Variants in MGAT5B observed in about 807,000 individuals in gnomAD.
MGAT5B encodes the protein N-acetylglucosaminyl-transferase Vb.
In MGAT5B, 54 loss-of-function variants were observed where a neutral mutation model predicts 95.1. The observed-to-expected ratio is 0.57, with a 90% CI of 0.46 to 0.71. The LOEUF is 0.71. Among genes scored for constraint, MGAT5B ranks in the 30% least tolerant of loss-of-function variants. The pLI is 0.00. For missense variants in MGAT5B, 935 were observed against 1,088.6 expected (o/e 0.86, Z 1.99); for synonymous variants, 464 against 451.0 (o/e 1.03, Z -0.36).
chr17:76,906,270 T>G lies in MGAT5B; in HGVS notation c.1025+83T>G. On this transcript the variant is annotated intron_variant, in intron 8 of 17. Coordinates refer to ENST00000569840, the MANE Select transcript of MGAT5B (RefSeq NM_001199172.2). This position sits in a 1 kb window ranked among gnomAD's most constrained non-coding sequence, Gnocchi z 4.6. ...CCCCACCCCTCCCTCCCAGGGGCTGTGGGAGCACCTGCTCTGCCTGCAGGT... is the reference window on the plus strand; with the variant it reads ...CCCCACCCCTCCCTCCCAGGGGCTGGGGGAGCACCTGCTCTGCCTGCAGGT... The G allele has an allele frequency of 7.3e-7, 1 of 1,370,704 alleles. No homozygotes were observed. The highest frequency in any genetic ancestry group is 1.4e-5 in the South Asian group (1 of 73,258). 84.9% of individuals were successfully genotyped at this position (1,370,704 alleles called of 1,614,324 possible). A position where few individuals can be genotyped will look rare whatever the true frequency, so the allele number is the denominator to read the frequency against.
rs548834945 is a variant in MGAT5B, at chr17:76,894,435, C to T, written c.330-8120C>T. Among the ~76,000 whole-genome samples the T allele has an allele frequency of 3.9e-5, 6 of 152,336 alleles. No individual in the cohort carries two copies. In the East Asian group the frequency reaches 7.7e-4, roughly 20 times the overall value. ...ATAGAAAGAGCTTGGCAAGCGAGTG[C>T]TCAATGCCTGTTGGCTGTGTAACTG... On this transcript the variant is annotated intron_variant, in intron 3 of 17. Coordinates refer to ENST00000569840, the MANE Select transcript of MGAT5B (RefSeq NM_001199172.2).
intron 8 of MGAT5B, among the ~76,000 whole-genome samples, chr17:76,920,379 G>A (rs1434031652): frequency 2.0e-5 from 3 of 152,164 alleles, no homozygotes; most frequent in African/African-American, 4.8e-5. Context: ...ATGCACAGCC[G>A]AGCCTCCCGG....
At chr17:76,921,358 G>A (rs1345746465) in intron 8 of MGAT5B, among the ~76,000 whole-genome samples, 1 of 152,188 alleles carries the variant, frequency 6.6e-6, no homozygotes, top group Admixed American at 6.5e-5. Context: ...TCCCCCATCC[G>A]TTAATATTCC....
Position 76,940,037 on chromosome 17 carries a change from A to G in MGAT5B, c.1585-365A>G, listed in dbSNP as rs777579017. 8.5e-5 allele frequency among the ~76,000 whole-genome samples: 13 copies of G among 152,288 alleles called. No homozygotes were observed. The South Asian group carries it at 1.5e-3, about 17-fold the overall frequency. On this transcript the variant is annotated intron_variant, in intron 13 of 17. Transcript: ENST00000569840. This position sits in a 1 kb window ranked among gnomAD's most constrained non-coding sequence, Gnocchi z 4.3. Reference sequence around the variant, plus strand: ...AGTGAGGTTCCTGGAGGTCTCTTGCAGGTGCGGGCCTGCAGCTTTCTTGGC... The same window carrying G: ...AGTGAGGTTCCTGGAGGTCTCTTGCGGGTGCGGGCCTGCAGCTTTCTTGGC...
intron 3 of MGAT5B, among the ~76,000 whole-genome samples, chr17:76,898,680 G>T (rs1169978225): frequency 6.6e-6 from 1 of 152,144 alleles, no homozygotes; most frequent in Non-Finnish European, 1.5e-5. Context: ...CATAGCAGTA[G>T]CTTAGTATTT....
rs902784818 is a variant in MGAT5B, at chr17:76,915,371, C to G, written c.1025+9184C>G. On this transcript the variant is annotated intron_variant, in intron 8 of 17. Transcript: ENST00000569840. This position sits in a 1 kb window ranked among gnomAD's most constrained non-coding sequence, Gnocchi z 8.7. ...GGGGCCGGGGATCGGGCACTCCTCT[C>G]TGACGGTTTCTATTTTATCTTCGAT... 6.6e-6 allele frequency among the ~76,000 whole-genome samples: 1 copy of G among 152,122 alleles called. No homozygotes were observed. The highest frequency in any genetic ancestry group is 1.5e-5 in the Non-Finnish European group (1 of 68,030).
At chr17:76,903,226 T>C in intron 4 of MGAT5B, 77 bp from the exon 5 acceptor site, 1 of 1,121,304 alleles carries the variant, frequency 8.9e-7, no homozygotes, top group Non-Finnish European at 1.3e-6. Context: ...TGTGGGAAGC[T>C]GCCTCCCGCA....
intron 17 of MGAT5B, 105 bp downstream of exon 17, chr17:76,948,191 G>C (rs944816542): frequency 4.1e-6 from 6 of 1,457,786 alleles, no homozygotes; most frequent in Admixed American, 2.6e-5. Context: ...CTGCCAGTGT[G>C]GGGGGATGTA....
At chr17:76,872,515 G>C (rs750992482) in intron 1 of MGAT5B, 3 of 675,390 alleles carry the variant, frequency 4.4e-6, no homozygotes, top group Non-Finnish European at 7.2e-6. Context: ...AGGTGATGCT[G>C]ACTGCTCGTC....
In MGAT5B at chr17:76,930,373, G is replaced by A. The variant is rs1005565843; in HGVS notation, c.1292-2272G>A. Among the ~76,000 whole-genome samples, 2 of 152,288 alleles carry A rather than the reference G, an allele frequency of 1.3e-5. No homozygotes were observed. The highest frequency in any genetic ancestry group is 2.1e-4 in the South Asian group (1 of 4,818). On this transcript the variant is annotated intron_variant, in intron 10 of 17. Transcript: ENST00000569840. This position sits in a 1 kb window ranked among gnomAD's most constrained non-coding sequence, Gnocchi z 4.1. ...AAGCATGCATCCCAATTGGAGAAAC[G>A]TTAAAATGTGGGGGATGTGCATTCG... is the stretch of plus-strand genomic sequence containing the variant.
At chr17:76,877,910 AAC>A (rs1003650738) in intron 2 of MGAT5B, among the ~76,000 whole-genome samples, 3 of 151,820 alleles carry the variant, frequency 2.0e-5, no homozygotes, top group African/African-American at 7.3e-5. Flanking sequence ...GTGGGTAATA[AAC>A]ACATCCCGTC....
In MGAT5B at chr17:76,880,849, C is replaced by G. The variant is rs145718399; in HGVS notation, c.182-1302C>G. On this transcript the variant is annotated intron_variant, in intron 2 of 17. Coordinates refer to ENST00000569840, the MANE Select transcript of MGAT5B (RefSeq NM_001199172.2). ...ACAGCTTCCCCGTCTCTCTTCCTCA[C>G]TCTCCTGCTGGGGTTTCCATTAGCT... is the stretch of plus-strand genomic sequence containing the variant. 2.6e-4 allele frequency among the ~76,000 whole-genome samples: 40 copies of G among 152,322 alleles called. No individual in the cohort carries two copies. In the East Asian group the frequency reaches 4.3e-3, roughly 16 times the overall value.
chr17:76,917,535 T>C lies in MGAT5B; in HGVS notation c.1026-7431T>C, dbSNP rs1017976274. Among the ~76,000 whole-genome samples the C allele has an allele frequency of 2.0e-5, 3 of 152,146 alleles. No homozygotes were observed. Among genetic ancestry groups the C allele is most frequent in the Admixed American group, 6.5e-5 (1 of 15,278 alleles). The stretch of plus-strand genomic sequence containing the variant: ...GAGTAGCTTTGGTAAAAGGAATGCA[T>C]TTTCCTGCAAGCCAGACTGCTTTTT... On this transcript the variant is annotated intron_variant, in intron 8 of 17. Coordinates refer to ENST00000569840, the MANE Select transcript of MGAT5B (RefSeq NM_001199172.2). This position sits in a 1 kb window ranked among gnomAD's most constrained non-coding sequence, Gnocchi z 6.1.
chr17:76,920,952 C>G (rs754995627), intron 8 of MGAT5B, among the ~76,000 whole-genome samples: 4 of 152,188 alleles, frequency 2.6e-5, no homozygotes, highest in Non-Finnish European at 5.9e-5. Flanking sequence ...CAGGTCCTGT[C>G]CCTGGTCCTG....
intron 13 of MGAT5B, among the ~76,000 whole-genome samples, chr17:76,939,029 G>GGGGGGGTGT (rs1237086611): frequency 2.3e-4 from 30 of 128,254 alleles, no homozygotes; most frequent in African/African-American, 8.3e-4. Flanking sequence ...GCATCTTGGG[G>GGGGGGGTGT]GTGTGTGTGT....
chr17:76,903,247 C>T (rs904100903), intron 4 of MGAT5B, 56 bp from the exon 5 acceptor site: 36 of 1,419,098 alleles, frequency 2.5e-5, no homozygotes, highest in Non-Finnish European at 3.2e-5. Flanking sequence ...CGCAGGCCTC[C>T]CTCCCTGGGC....
At chr17:76,881,392 G>C (rs946591070) in intron 2 of MGAT5B, among the ~76,000 whole-genome samples, 3 of 152,204 alleles carry the variant, frequency 2.0e-5, no homozygotes, top group Non-Finnish European at 4.4e-5. Flanking sequence ...AGACCAGCTT[G>C]AGATTCAGAA....
At chr17:76,892,726 C>T (rs960420386) in intron 3 of MGAT5B, among the ~76,000 whole-genome samples, 3 of 152,240 alleles carry the variant, frequency 2.0e-5, no homozygotes, top group Non-Finnish European at 2.9e-5. Context: ...GCTGTGACAG[C>T]GCCTGCTCTC....
In MGAT5B at chr17:76,883,335, G is replaced by A. The variant is rs1967505010; in HGVS notation, c.329+1037G>A. Among the ~76,000 whole-genome samples, 4 of 152,296 alleles carry A rather than the reference G, an allele frequency of 2.6e-5. No homozygotes were observed. In the South Asian group the frequency reaches 8.3e-4, roughly 32 times the overall value. ...TTTTCATGATGATTTTGAACTCTGT[G>A]TTGAGGGGCATGTGTGGATACTATG... is the stretch of plus-strand genomic sequence containing the variant. On this transcript the variant is annotated intron_variant, in intron 3 of 17. Transcript: ENST00000569840.
Sources: gnomAD v4.1 joint callset for allele counts (sites outside exome capture counted in the v4.1 genomes callset) on GRCh38, gnomAD v4.1.1 for gene constraint, Gnocchi (gnomAD v3.1) non-coding constraint, MANE v1.5 for transcripts, NCBI Gene and HGNC (gene_info 2026-07-23, HGNC 2026-07-21) for gene names.